KCTD8: variants seen among roughly 807,000 people sequenced by gnomAD.
KCTD8 encodes the protein potassium channel tetramerization domain containing 8.
KCTD8 carries 27 observed loss-of-function variants against 31.5 expected under a neutral mutation model. The observed-to-expected ratio is 0.86, with a 90% CI of 0.63 to 1.18. The LOEUF is 1.18. Among genes scored for constraint, KCTD8 ranks in the 50% most tolerant of loss-of-function variants. The pLI is 0.00. For synonymous variants in KCTD8, 290 were observed against 280.0 expected (o/e 1.04, Z -0.36); for missense variants, 658 against 647.7 (o/e 1.02, Z -0.17).
intron 1 of KCTD8, among the ~76,000 whole-genome samples, chr4:44,253,463 A>G (rs1715901849): frequency 6.6e-6 from 1 of 151,776 alleles, no homozygotes; most frequent in African/African-American, 2.4e-5. Context: ...TCTTCTTTAT[A>G]TCTGGGCTGG....
intron 1 of KCTD8, among the ~76,000 whole-genome samples, chr4:44,197,794 G>C (rs1366899105): frequency 1.3e-5 from 2 of 152,132 alleles, no homozygotes; most frequent in Non-Finnish European, 2.9e-5. Context: ...TATTATTCCA[G>C]CAATGGTTTT....
chr4:44,362,197 T>G (rs1458140932), intron 1 of KCTD8, among the ~76,000 whole-genome samples: 1 of 152,144 alleles, frequency 6.6e-6, no homozygotes, highest in Admixed American at 6.6e-5. Flanking sequence ...CACACGTAGG[T>G]GAGTCAATGC....
At chr4:44,367,599 C>A (rs2109434010) in intron 1 of KCTD8, among the ~76,000 whole-genome samples, 1 of 152,200 alleles carries the variant, frequency 6.6e-6, no homozygotes, top group South Asian at 2.1e-4. Context: ...CCCCAACATA[C>A]TTGAAATTAG....
Position 44,175,178 on chromosome 4 carries a change from C to T in KCTD8, c.1034G>A (p.Gly345Glu). The change falls in exon 2 of 2, where the codon GGA (glycine) becomes GAA (glutamate). Residue 345 changes from glycine to glutamate, a missense_variant. Physicochemically the swap from Gly to Glu is moderately conservative, Grantham distance 98. Transcript: ENST00000360029. ...DRKHDKVTDK[G>E]SESGTSCNEL... ...ATTACAGGAAGTCCCACTTTCACTTCCTTTATCAGTGACTTTGTCATGTTT... is the reference window on the plus strand; with the variant it reads ...ATTACAGGAAGTCCCACTTTCACTTTCTTTATCAGTGACTTTGTCATGTTT... 1.2e-6 allele frequency: 2 copies of T among 1,612,062 alleles called. No individual in the cohort carries two copies. The highest frequency in any genetic ancestry group is 1.7e-6 in the Non-Finnish European group (2 of 1,179,190).
chr4:44,209,886 G>C (rs1714432013), intron 1 of KCTD8, among the ~76,000 whole-genome samples: 1 of 152,082 alleles, frequency 6.6e-6, no homozygotes. Context: ...GATTGAAGTA[G>C]TAAAAATGTA....
intron 1 of KCTD8, among the ~76,000 whole-genome samples, chr4:44,299,336 TC>T (rs1717535147): frequency 1.3e-5 from 2 of 152,292 alleles, no homozygotes; most frequent in South Asian, 2.1e-4. Context: ...CAAGCCTTCT[TC>T]CATGTAGCAA....
intron 1 of KCTD8, among the ~76,000 whole-genome samples, chr4:44,287,239 G>A (rs978810685): frequency 2.0e-5 from 3 of 152,030 alleles, no homozygotes; most frequent in South Asian, 2.1e-4. Flanking sequence ...CAAAAATAGC[G>A]AAACCTTATC....
chr4:44,400,413 GAA>G (rs550905444), intron 1 of KCTD8, among the ~76,000 whole-genome samples: 3 of 145,312 alleles, frequency 2.1e-5, no homozygotes, highest in African/African-American at 7.5e-5. Flanking sequence ...AGACTGGAGA[GAA>G]AAAAAAAAAT....
Position 44,174,878 on chromosome 4 carries a change from T to C in KCTD8, c.1334A>G (p.Gln445Arg), listed in dbSNP as rs1713157368. 6.2e-7 allele frequency: 1 copy of C among 1,613,972 alleles called. No individual in the cohort carries two copies. Among genetic ancestry groups the C allele is most frequent in the East Asian group, 2.2e-5 (1 of 44,902 alleles). The change falls in exon 2 of 2, where the codon CAG becomes CGG. Residue 445 changes from glutamine to arginine, a missense_variant. Gln to Arg is a conservative substitution (Grantham distance 43, BLOSUM62 1). Coordinates refer to ENST00000360029, the MANE Select transcript of KCTD8 (RefSeq NM_198353.3). ...SVEEEMKKCI[Q>R]DFKKIHIPDY... The stretch of plus-strand genomic sequence containing the variant: ...TGGAATGTGGATTTTTTTAAAATCC[T>C]GAATACACTTTTTCATTTCTTCTTC...
intron 1 of KCTD8, among the ~76,000 whole-genome samples, chr4:44,404,090 CAG>C (rs1720729757): frequency 6.6e-6 from 1 of 152,118 alleles, no homozygotes; most frequent in Non-Finnish European, 1.5e-5. Flanking sequence ...AATGGCTTTA[CAG>C]AGTGTCAGAG....
chr4:44,325,795 G>A (rs1021380278), intron 1 of KCTD8, among the ~76,000 whole-genome samples: 3 of 151,890 alleles, frequency 2.0e-5, no homozygotes, highest in African/African-American at 4.8e-5. Flanking sequence ...CCTGTAGAAG[G>A]AGGGGTATCC....
chr4:44,440,605 C>T (rs67940078), intron 1 of KCTD8, among the ~76,000 whole-genome samples: 28,367 of 152,166 alleles, frequency 0.19, 2,787 homozygotes, highest in Non-Finnish European at 0.21. Flanking sequence ...AATTCAGTAA[C>T]AACCTAATGG....
At chr4:44,338,687 A>C (rs1718818180) in intron 1 of KCTD8, among the ~76,000 whole-genome samples, 1 of 152,206 alleles carries the variant, frequency 6.6e-6, no homozygotes. Context: ...ATTATGGAGA[A>C]GTTTTCTGAA....
At chr4:44,267,506 C>T (rs1335586634) in intron 1 of KCTD8, among the ~76,000 whole-genome samples, 1 of 152,082 alleles carries the variant, frequency 6.6e-6, no homozygotes, top group Non-Finnish European at 1.5e-5. Context: ...AGAGCAAACA[C>T]ATTCAAAAGC....
At chr4:44,244,849 G>A (rs954597041) in intron 1 of KCTD8, among the ~76,000 whole-genome samples, 5 of 25,582 alleles carry the variant, frequency 2.0e-4, no homozygotes, top group South Asian at 9.0e-4. Context: ...TGTAGTTGTG[G>A]GGGGGGGGGG....
At chr4:44,181,845 G>A (rs564451197) in intron 1 of KCTD8, among the ~76,000 whole-genome samples, 14 of 149,036 alleles carry the variant, frequency 9.4e-5, no homozygotes, top group African/African-American at 2.5e-4. Context: ...TGTGGGGAGC[G>A]CCTCTGCCCG....
At chr4:44,314,878 G>GA (rs142498634) in intron 1 of KCTD8, among the ~76,000 whole-genome samples, 5,985 of 131,862 alleles carry the variant, frequency 0.045, 389 homozygotes, top group African/African-American at 0.15. Flanking sequence ...AAGACATTGT[G>GA]AAAAAAAAAA....
intron 1 of KCTD8, among the ~76,000 whole-genome samples, chr4:44,395,228 G>A (rs1720469641): frequency 6.6e-6 from 1 of 152,080 alleles, no homozygotes; most frequent in Non-Finnish European, 1.5e-5. Flanking sequence ...AGAGGTAAAG[G>A]GATAGCGTGT....
intron 1 of KCTD8, among the ~76,000 whole-genome samples, chr4:44,417,490 T>C (rs1933264641): frequency 6.6e-6 from 1 of 152,062 alleles, no homozygotes; most frequent in Admixed American, 6.5e-5. Flanking sequence ...GCCACACTCT[T>C]TTTATAATCA....
Sources: allele counts gnomAD v4.1 joint callset (sites outside exome capture counted in the v4.1 genomes callset), GRCh38; gene constraint gnomAD v4.1.1; transcripts MANE v1.5; gene names NCBI Gene and HGNC (gene_info 2026-07-23, HGNC 2026-07-21).